The following GRIP2 variants were observed in gnomAD, a reference collection of about 807,000 sequenced individuals.
GRIP2 encodes the protein glutamate receptor interacting protein 2, also known as glutamate receptor-interacting protein 2.
In GRIP2, 58 loss-of-function variants were observed where a neutral mutation model predicts 108.3. The ratio of observed to expected loss-of-function variants is 0.54; its 90% confidence interval spans 0.43 to 0.67. The LOEUF is 0.67. Among genes scored for constraint, GRIP2 ranks in the 30% least tolerant of loss-of-function variants. GRIP2 has a pLI of 0.00. For synonymous variants in GRIP2, 586 were observed against 598.2 expected, an observed-to-expected ratio of 0.98 and a Z score of 0.30; for missense variants, 1,278 against 1,430.6, an observed-to-expected ratio of 0.89 and a Z score of 1.72.
intron 1 of GRIP2, among the ~76,000 whole-genome samples, chr3:14,534,963 C>CCG (rs1694799819): frequency 6.6e-6 from 1 of 152,082 alleles, no homozygotes; most frequent in Non-Finnish European, 1.5e-5. Context: ...ATAAAGTCAG[C>CCG]CGGCTTTGAC....
upstream of GRIP2, among the ~76,000 whole-genome samples, chr3:14,541,274 A>AG (rs1195113274): frequency 3.3e-5 from 5 of 152,116 alleles, no homozygotes; most frequent in Admixed American, 6.5e-5. Context: ...GACACCAAGA[A>AG]GGGTGGGGTG....
At chr3:14,541,907 G>A (rs769656276), upstream of GRIP2, 38 of 1,342,694 alleles carry the variant, frequency 2.8e-5, no homozygotes, top group Non-Finnish European at 3.6e-5. Context: ...CAGTGGTCAG[G>A]GAGAGGCTCG....
At chr3:14,589,161 T>C in the GRIP2 span, among the ~76,000 whole-genome samples, 1 of 151,554 alleles carries the variant, frequency 6.6e-6, no homozygotes, top group Non-Finnish European at 1.5e-5. Flanking sequence ...ACAACCTATT[T>C]CTTTAGCTAG....
chr3:14,559,182 G>C (rs1252081630), upstream of GRIP2, among the ~76,000 whole-genome samples: 3 of 152,164 alleles, frequency 2.0e-5, no homozygotes, highest in African/African-American at 7.2e-5. Context: ...AATAGGATGT[G>C]CCTTCCTGTA....
intron 16 of GRIP2, among the ~76,000 whole-genome samples, 178 bp from the exon 17 acceptor site, chr3:14,510,142 T>C (rs1166304020): frequency 1.3e-5 from 2 of 151,750 alleles, no homozygotes; most frequent in South Asian, 2.1e-4. Context: ...CAAATACCAG[T>C]AAAGAAAAGA....
chr3:14,549,277 C>G (rs1575034850), intron 1 of GRIP2, among the ~76,000 whole-genome samples: 1 of 152,218 alleles, frequency 6.6e-6, no homozygotes, highest in East Asian at 1.9e-4. Context: ...ACAGCTTGTA[C>G]ACCTCCATAA....
intron 19 of GRIP2, 29 bp downstream of exon 19, chr3:14,506,772 C>T (rs1160016897): frequency 6.5e-7 from 1 of 1,550,314 alleles, no homozygotes; most frequent in East Asian, 2.4e-5. Context: ...AGAGAGCGTG[C>T]CACTTGTCCA....
intron 21 of GRIP2, 22 bp downstream of exon 21, chr3:14,503,544 C>T: frequency 6.3e-7 from 1 of 1,582,002 alleles, no homozygotes; most frequent in Non-Finnish European, 8.6e-7. Context: ...CCCATGCAGG[C>T]CTGCAGGGCA....
upstream of GRIP2, among the ~76,000 whole-genome samples, chr3:14,559,461 C>A (rs1575039731): frequency 1.3e-5 from 2 of 148,664 alleles, no homozygotes; most frequent in East Asian, 3.9e-4. Flanking sequence ...AAAAAAGGAG[C>A]CAAGAGAGAT....
chr3:14,559,270 A>T (rs1695283881), upstream of GRIP2, among the ~76,000 whole-genome samples: 1 of 152,126 alleles, frequency 6.6e-6, no homozygotes, highest in Non-Finnish European at 1.5e-5. Flanking sequence ...GCATTATCTT[A>T]AGATTGGTCT....
At chr3:14,574,370 C>G in the GRIP2 span, 1 of 930,062 alleles carries the variant, frequency 1.1e-6, no homozygotes, top group Non-Finnish European at 1.7e-6. Context: ...TCCGCCGCGG[C>G]CCCGCGGTGC....
chr3:14,556,555 G>A (rs1168702626), upstream of GRIP2, among the ~76,000 whole-genome samples: 1 of 152,186 alleles, frequency 6.6e-6, no homozygotes, highest in African/African-American at 2.4e-5. Context: ...GTCCCCAGCA[G>A]GCAACATCAC....
At chr3:14,555,849 G>A (rs1695229322) in intron 1 of GRIP2, 4 of 398,856 alleles carry the variant, frequency 1.0e-5, no homozygotes, top group Admixed American at 4.4e-5. Context: ...CAGGCAGGGA[G>A]CCTGGGAAGT....
At chr3:14,541,941 A>C, upstream of GRIP2, 8 of 1,347,370 alleles carry the variant, frequency 5.9e-6, no homozygotes, top group Non-Finnish European at 7.9e-6. Context: ...GGCCTTCACC[A>C]GGGCACAGAG....
the GRIP2 span, among the ~76,000 whole-genome samples, chr3:14,587,758 T>C: frequency 1.3e-5 from 2 of 152,122 alleles, no homozygotes; most frequent in Non-Finnish European, 2.9e-5. Flanking sequence ...TTGTGGCCTC[T>C]ACAGAAAGGG....
intron 16 of GRIP2, among the ~76,000 whole-genome samples, chr3:14,510,255 G>A (rs1159742712): frequency 1.6e-5 from 2 of 124,588 alleles, no homozygotes; most frequent in Admixed American, 9.3e-5. Flanking sequence ...CCGATCATCC[G>A]TTGTTTTTTT....
chr3:14,533,576 G>C (rs35280137), intron 1 of GRIP2, among the ~76,000 whole-genome samples: 27,053 of 152,146 alleles, frequency 0.18, 2,499 homozygotes, highest in South Asian at 0.22. Context: ...GCACCCCCAA[G>C]AGCTGGATGC....
At chr3:14,496,381 A>G (rs2124833359) in intron 22 of GRIP2, 36 bp downstream of exon 22, 2 of 1,553,454 alleles carry the variant, frequency 1.3e-6, no homozygotes, top group East Asian at 2.3e-5. Context: ...ACCAGAACAC[A>G]GGTCCAGGTC....
chr3:14,574,978 G>T, the GRIP2 span, among the ~76,000 whole-genome samples: 13 of 152,168 alleles, frequency 8.5e-5, no homozygotes, highest in Admixed American at 8.5e-4. Context: ...TACACATAAG[G>T]TGATAACACC....
Sources: gnomAD v4.1 joint callset for allele counts (sites outside exome capture counted in the v4.1 genomes callset) on GRCh38, gnomAD v4.1.1 for gene constraint, MANE v1.5 for transcripts, NCBI Gene and HGNC (gene_info 2026-07-23, HGNC 2026-07-21) for gene names.